The following NTAQ1 variants were observed in gnomAD, a reference collection of about 807,000 sequenced individuals.
NTAQ1 encodes protein N-terminal glutamine amidohydrolase.
In NTAQ1, 21 loss-of-function variants were observed where a neutral mutation model predicts 28.2. That is an observed-to-expected ratio of 0.74 (90% CI 0.53 to 1.07). The LOEUF (loss-of-function observed/expected upper bound fraction) is 1.07, where lower values mean the gene tolerates loss of function less well. Ranked by LOEUF, NTAQ1 falls within the 50% of genes least tolerant of loss-of-function variation. The probability of loss-of-function intolerance (pLI) is 0.00; values close to 1 mark genes in which losing one functional copy is unlikely to be tolerated. For missense variants in NTAQ1, 264 were observed against 256.6 expected, an observed-to-expected ratio of 1.03 and a Z score of -0.20; for synonymous variants, 105 against 90.0, an observed-to-expected ratio of 1.17 and a Z score of -0.94.
chr8:123,429,991 C>A lies in NTAQ1; in HGVS notation c.192C>A (p.Ile64=). ...FISNERKMIP[I]WKQQARPGDG... is the part of the protein sequence containing the mutation. ...TGTATTGTATTTTGTAGATACCTAT[C>A]TGGAAACAACAGGCGAGACCTGGAG... Residue 64 remains isoleucine, a synonymous_variant, in exon 3 of 6, where the codon ATC becomes ATA. Coordinates refer to ENST00000287387, the MANE Select transcript of NTAQ1 (RefSeq NM_018024.3). The A allele has an allele frequency of 6.2e-7, 1 of 1,610,670 alleles. No individual in the cohort carries two copies. Among genetic ancestry groups the A allele is most frequent in the Non-Finnish European group, 8.5e-7 (1 of 1,178,320 alleles).
intron 1 of NTAQ1, among the ~76,000 whole-genome samples, chr8:123,423,381 C>CCTTTCCCTCCTTTTCCTT (rs1563882178): frequency 9.3e-5 from 13 of 140,410 alleles, no homozygotes; most frequent in Non-Finnish European, 1.7e-4. Context: ...TCCTTTTCCT[C>CCTTTCCCTCCTTTTCCTT]CCTTTCCCTC....
Position 123,416,887 on chromosome 8 carries a change from C to T in NTAQ1, c.38C>T (p.Pro13Leu). ...GNGPAAVHYQ[P>L]ASPPRDACVY... ...GGCCCCGCTGCTGTCCACTACCAGCCGGCCAGCCCCCCGCGGGACGCCTGC... is the reference window on the plus strand; with the variant it reads ...GGCCCCGCTGCTGTCCACTACCAGCTGGCCAGCCCCCCGCGGGACGCCTGC... Residue 13 changes from proline (P) to leucine (L), a missense_variant, in exon 1 of 6, where the codon CCG (proline) becomes CTG (leucine). Pro to Leu is a moderately conservative substitution (Grantham distance 98). Coordinates refer to ENST00000287387, the MANE Select transcript of NTAQ1 (RefSeq NM_018024.3). 1.3e-6 allele frequency: 2 copies of T among 1,528,076 alleles called. No homozygotes were observed. Among genetic ancestry groups the T allele is most frequent in the Non-Finnish European group, 1.8e-6 (2 of 1,138,406 alleles). 94.7% of individuals were successfully genotyped at this position (1,528,076 alleles called of 1,614,324 possible).
chr8:123,472,674 CTTTAT>C (rs753360892), downstream of NTAQ1, among the ~76,000 whole-genome samples: 3 of 152,184 alleles, frequency 2.0e-5, no homozygotes, highest in Non-Finnish European at 2.9e-5. Context: ...TCCAGCATGA[CTTTAT>C]TTTAAGTTAA....
intron 6 of NTAQ1, among the ~76,000 whole-genome samples, chr8:123,458,541 G>A (rs1381649487): frequency 6.6e-6 from 1 of 151,966 alleles, no homozygotes; most frequent in Non-Finnish European, 1.5e-5. Context: ...GTACAGAAAT[G>A]CTCAGAAAGC....
At chr8:123,447,232 A>T (rs1442253590), downstream of NTAQ1, among the ~76,000 whole-genome samples, 1 of 152,182 alleles carries the variant, frequency 6.6e-6, no homozygotes, top group Non-Finnish European at 1.5e-5. Context: ...TATTTATAAT[A>T]AAACCTAATC....
chr8:123,419,505 A>T (rs1247183603), intron 1 of NTAQ1, among the ~76,000 whole-genome samples: 1 of 152,144 alleles, frequency 6.6e-6, no homozygotes. Context: ...CTGCTTAATG[A>T]TAATAGTGGC....
Position 123,428,028 on chromosome 8 carries a change from G to A in NTAQ1, c.183+5G>A, listed in dbSNP as rs1426694826. 1 of 1,576,452 alleles carries A rather than the reference G, an allele frequency of 6.3e-7. No individual in the cohort carries two copies. Among genetic ancestry groups the A allele is most frequent in the East Asian group, 2.2e-5 (1 of 44,640 alleles). ...ATATCTAATGAGAGGAAGATGGTAA[G>A]TTGGTGAGTGATTGCAGAAAGAAAA... On this transcript the variant is annotated splice_donor_5th_base_variant and intron_variant, in intron 2 of 5. Coordinates refer to ENST00000287387, the MANE Select transcript of NTAQ1 (RefSeq NM_018024.3).
chr8:123,468,827 C>G (rs796452697), exon 7 of NTAQ1, among the ~76,000 whole-genome samples: 5 of 152,306 alleles, frequency 3.3e-5, no homozygotes, highest in African/African-American at 1.2e-4. Flanking sequence ...ATTCCACAAA[C>G]AGTGCACAAG....
At chr8:123,431,230 G>T (rs945436740) in intron 3 of NTAQ1, among the ~76,000 whole-genome samples, 15 of 151,874 alleles carry the variant, frequency 9.9e-5, no homozygotes, top group African/African-American at 3.1e-4. Context: ...CCAGCTACTC[G>T]GGAGGCTGAG....
At chr8:123,439,992 A>G (rs1185495162) in intron 5 of NTAQ1, among the ~76,000 whole-genome samples, 5 of 151,848 alleles carry the variant, frequency 3.3e-5, no homozygotes, top group Non-Finnish European at 5.9e-5. Flanking sequence ...TGCATGTTTT[A>G]GATACATGCA....
downstream of NTAQ1, among the ~76,000 whole-genome samples, chr8:123,449,130 G>A (rs1334779957): frequency 6.6e-6 from 1 of 152,200 alleles, no homozygotes; most frequent in East Asian, 1.9e-4. Flanking sequence ...CTTGGAGGTA[G>A]CTGCTGATTT....
chr8:123,448,341 G>A (rs13266596), downstream of NTAQ1: 55,185 of 152,112 alleles, frequency 0.36, 10,133 homozygotes, highest in East Asian at 0.56. Context: ...GGCCGGGTAC[G>A]GTGGCTCACG....
At chr8:123,465,820 C>T (rs1207030707) in intron 6 of NTAQ1, among the ~76,000 whole-genome samples, 2 of 151,838 alleles carry the variant, frequency 1.3e-5, no homozygotes, top group African/African-American at 2.4e-5. Flanking sequence ...AGGGCTCAAG[C>T]GATCCACCCA....
chr8:123,473,806 G>A (rs1816065389), downstream of NTAQ1, among the ~76,000 whole-genome samples: 1 of 152,040 alleles, frequency 6.6e-6, no homozygotes, highest in African/African-American at 2.4e-5. Context: ...ATATCATCTT[G>A]TTTATGTTAT....
rs541038299 is a variant in NTAQ1, at chr8:123,459,951, C to T, written c.373-7128C>T. ...AAGTAGCTGGGATTACAGGAATGCGCCACCATGCCTGGGTAATTTTGTATT... is the reference window on the plus strand; with the variant it reads ...AAGTAGCTGGGATTACAGGAATGCGTCACCATGCCTGGGTAATTTTGTATT... On this transcript the variant is annotated intron_variant, in intron 6 of 6. Coordinates refer to the NTAQ1 transcript ENST00000650311. Among the ~76,000 whole-genome samples, 7 of 152,130 alleles carry T rather than the reference C, an allele frequency of 4.6e-5. No individual in the cohort carries two copies. The South Asian group carries it at 1.5e-3, about 32-fold the overall frequency.
At chr8:123,449,979 G>T (rs1353575090), downstream of NTAQ1, among the ~76,000 whole-genome samples, 2 of 42,768 alleles carry the variant, frequency 4.7e-5, no homozygotes, top group South Asian at 1.1e-3. Flanking sequence ...ATATATGCTG[G>T]ATAAAGGGGT....
intron 1 of NTAQ1, among the ~76,000 whole-genome samples, chr8:123,424,441 A>G (rs993324719): frequency 2.0e-5 from 3 of 152,024 alleles, no homozygotes. Flanking sequence ...ACGGGGTTTC[A>G]CTATGTTGGC....
chr8:123,422,718 A>G (rs1042247747), intron 1 of NTAQ1, among the ~76,000 whole-genome samples: 3 of 150,464 alleles, frequency 2.0e-5, no homozygotes, highest in African/African-American at 7.4e-5. Flanking sequence ...AATCTTTGCC[A>G]GGGCCTATGT....
chr8:123,425,089 A>C (rs938601345), intron 1 of NTAQ1, among the ~76,000 whole-genome samples: 2 of 152,056 alleles, frequency 1.3e-5, no homozygotes, highest in African/African-American at 4.8e-5. Context: ...ATGTTGAAAC[A>C]GTCAATAAAA....
Sources: allele counts gnomAD v4.1 joint callset (sites outside exome capture counted in the v4.1 genomes callset), GRCh38; gene constraint gnomAD v4.1.1; transcripts MANE v1.5; gene names NCBI Gene and HGNC (gene_info 2026-07-23, HGNC 2026-07-21).